Variants in PATJ observed in about 807,000 individuals in gnomAD.
The protein encoded by PATJ is inaD-like protein.
PATJ carries 190 observed loss-of-function variants against 224.9 expected under a neutral mutation model. The ratio of observed to expected loss-of-function variants is 0.84; its 90% confidence interval spans 0.75 to 0.95. The LOEUF (loss-of-function observed/expected upper bound fraction) is 0.95. Among genes scored for constraint, PATJ ranks in the 40% least tolerant of loss-of-function variants. PATJ has a pLI of 0.00. For synonymous variants in PATJ, 769 were observed against 820.3 expected, an observed-to-expected ratio of 0.94 and a Z score of 1.07; for missense variants, 2,121 against 2,270.3, an observed-to-expected ratio of 0.93 and a Z score of 1.34.
intron 14 of PATJ, among the ~76,000 whole-genome samples, chr1:61,814,551 C>CGCGCGCGT (rs1655697410): frequency 8.5e-6 from 1 of 118,202 alleles, no homozygotes; most frequent in African/African-American, 4.0e-5. Context: ...TGTGTGTGCG[C>CGCGCGCGT]GCGCGCGCGC....
chr1:62,087,622 T>TGGTC (rs1465473273), intron 33 of PATJ, among the ~76,000 whole-genome samples: 1 of 151,912 alleles, frequency 6.6e-6, no homozygotes, highest in Non-Finnish European at 1.5e-5. Flanking sequence ...TTGCTGGTCA[T>TGGTC]GGTCCTTCCC....
intron 16 of PATJ, 109 bp from the exon 17 acceptor site, chr1:61,833,545 C>A: frequency 9.1e-7 from 1 of 1,097,488 alleles, no homozygotes; most frequent in Non-Finnish European, 1.3e-6. Flanking sequence ...CTACGCATGC[C>A]AAAGAGAATT....
intron 27 of PATJ, among the ~76,000 whole-genome samples, chr1:61,928,203 A>G (rs958718638): frequency 6.6e-6 from 1 of 152,208 alleles, no homozygotes; most frequent in Admixed American, 6.5e-5. Context: ...GATGTTGCTA[A>G]TGCAGGATTA....
intron 35 of PATJ, 94 bp from the exon 36 acceptor site, chr1:62,116,438 A>C: frequency 7.3e-7 from 1 of 1,376,452 alleles, no homozygotes; most frequent in Non-Finnish European, 9.8e-7. Flanking sequence ...AGAAGAAAGG[A>C]GCATATATGT....
At chr1:62,089,809 C>T (rs17123061) in intron 33 of PATJ, among the ~76,000 whole-genome samples, 1 of 151,934 alleles carries the variant, frequency 6.6e-6, no homozygotes, top group Admixed American at 6.6e-5. Context: ...CATATCAAAG[C>T]GAAATGGTGG....
At chr1:61,876,839 T>C (rs1173202951) in intron 21 of PATJ, among the ~76,000 whole-genome samples, 1 of 152,184 alleles carries the variant, frequency 6.6e-6, no homozygotes, top group African/African-American at 2.4e-5. Flanking sequence ...AAAGAGATAT[T>C]CTTGACCTTT....
At chr1:61,970,981 A>G (rs1682897000) in intron 27 of PATJ, among the ~76,000 whole-genome samples, 1 of 152,214 alleles carries the variant, frequency 6.6e-6, no homozygotes, top group Non-Finnish European at 1.5e-5. Flanking sequence ...TAATTAACGA[A>G]AGCTTCAAAA....
At chr1:62,117,506 TAAAA>T (rs202208470) in intron 37 of PATJ, 9 of 639,860 alleles carry the variant, frequency 1.4e-5, no homozygotes, top group Non-Finnish European at 1.8e-5. Context: ...TGTGTTTATT[TAAAA>T]AAAAAAAAAG....
At chr1:62,017,771 G>A (rs553434923) in intron 28 of PATJ, 85 bp from the exon 29 acceptor site, 474 of 647,098 alleles carry the variant, frequency 7.3e-4, no homozygotes, top group Non-Finnish European at 9.7e-4. Context: ...AAGAAATTCA[G>A]TAGACTTTAT....
At chr1:61,871,214 T>C (rs1666325478) in intron 20 of PATJ, among the ~76,000 whole-genome samples, 1 of 147,876 alleles carries the variant, frequency 6.8e-6, no homozygotes. Flanking sequence ...ATTTAATTTA[T>C]TTTTTATTTT....
chr1:61,887,866 T>C (rs1170234049), intron 22 of PATJ, among the ~76,000 whole-genome samples: 1 of 152,184 alleles, frequency 6.6e-6, no homozygotes, highest in Non-Finnish European at 1.5e-5. Flanking sequence ...AGGGTGGGCT[T>C]AATTGGCTTT....
intron 20 of PATJ, among the ~76,000 whole-genome samples, chr1:61,873,048 T>C (rs2149014675): frequency 6.6e-6 from 1 of 152,296 alleles, no homozygotes; most frequent in East Asian, 1.9e-4. Flanking sequence ...TCACATTTTG[T>C]TTTGAACAAC....
At chr1:61,786,779 C>G (rs944877692) in intron 7 of PATJ, among the ~76,000 whole-genome samples, 4 of 152,048 alleles carry the variant, frequency 2.6e-5, no homozygotes, top group Non-Finnish European at 5.9e-5. Context: ...ATCAAGAGGT[C>G]AGGAGTTTGA....
chr1:61,853,697 C>CT (rs1663194237), intron 17 of PATJ, among the ~76,000 whole-genome samples: 2 of 152,284 alleles, frequency 1.3e-5, no homozygotes, highest in South Asian at 4.1e-4. Flanking sequence ...ATAGACAGCT[C>CT]TTTTATATTA....
chr1:61,759,735 C>T (rs1001590092), intron 1 of PATJ, among the ~76,000 whole-genome samples: 3 of 152,126 alleles, frequency 2.0e-5, no homozygotes, highest in Admixed American at 1.3e-4. Context: ...TTACTTTTTC[C>T]AGGAGTTTTG....
chr1:61,757,175 G>C (rs1056971309), intron 1 of PATJ, among the ~76,000 whole-genome samples: 1 of 149,780 alleles, frequency 6.7e-6, no homozygotes, highest in Non-Finnish European at 1.5e-5. Flanking sequence ...GGGCTCAAGC[G>C]ATTCTCCCAC....
intron 28 of PATJ, among the ~76,000 whole-genome samples, chr1:61,995,257 T>C (rs535484227): frequency 6.6e-6 from 1 of 152,352 alleles, no homozygotes; most frequent in African/African-American, 2.4e-5. Context: ...TGTTTATTTT[T>C]ATCGTCTCTC....
intron 21 of PATJ, among the ~76,000 whole-genome samples, chr1:61,879,934 G>A (rs977883976): frequency 2.0e-5 from 3 of 151,956 alleles, no homozygotes; most frequent in Non-Finnish European, 2.9e-5. Flanking sequence ...CACCTCCTGA[G>A]TTCAAGCTAT....
At chr1:61,786,147 G>T (rs1648474734) in intron 7 of PATJ, among the ~76,000 whole-genome samples, 1 of 152,072 alleles carries the variant, frequency 6.6e-6, no homozygotes, top group Non-Finnish European at 1.5e-5. Context: ...TCAGCCTCCC[G>T]AGTAGTTGAG....
Sources: allele counts gnomAD v4.1 joint callset (sites outside exome capture counted in the v4.1 genomes callset), GRCh38; gene constraint gnomAD v4.1.1; transcripts MANE v1.5; gene names NCBI Gene and HGNC (gene_info 2026-07-23, HGNC 2026-07-21).